Variants in KCNS3 observed in about 807,000 individuals in gnomAD.
KCNS3 encodes delayed-rectifier potassium channel regulatory subunit KCNS3.
In KCNS3, 13 loss-of-function variants were observed where a neutral mutation model predicts 31.0. The observed-to-expected ratio is 0.42, with a 90% CI of 0.27 to 0.67. KCNS3 has a LOEUF of 0.67. Ranked by LOEUF, KCNS3 falls within the 30% of genes least tolerant of loss-of-function variation. KCNS3 has a pLI of 0.25. For synonymous variants in KCNS3, 238 were observed against 241.5 expected (o/e 0.99, Z 0.13); for missense variants, 545 against 622.4 (o/e 0.88, Z 1.32).
intron 2 of KCNS3, among the ~76,000 whole-genome samples, chr2:17,928,161 A>T (rs1029035672): frequency 1.3e-5 from 2 of 152,242 alleles, no homozygotes; most frequent in Non-Finnish European, 2.9e-5. Context: ...ATGATTGATC[A>T]TAGTATTCCT....
At chr2:17,896,548 TG>T (rs1453791513) in intron 1 of KCNS3, among the ~76,000 whole-genome samples, 1 of 151,808 alleles carries the variant, frequency 6.6e-6, no homozygotes, top group African/African-American at 2.4e-5. Context: ...TTTTTTTTTT[TG>T]GAATTGAGAA....
At chr2:17,886,742 G>GTCCA (rs35391429) in intron 1 of KCNS3, among the ~76,000 whole-genome samples, 50,178 of 146,724 alleles carry the variant, frequency 0.34, 8,798 homozygotes, top group African/African-American at 0.38. Flanking sequence ...CCATTTAAAT[G>GTCCA]TCCATCCATC....
At chr2:17,898,297 T>C (rs1321686161) in intron 1 of KCNS3, among the ~76,000 whole-genome samples, 1 of 151,766 alleles carries the variant, frequency 6.6e-6, no homozygotes, top group Non-Finnish European at 1.5e-5. Context: ...GCTCTTTTTT[T>C]GGTTCCATAT....
At chr2:17,884,268 AATAT>A (rs1227638443) in intron 1 of KCNS3, among the ~76,000 whole-genome samples, 3,004 of 46,380 alleles carry the variant, frequency 0.065, 58 homozygotes, top group Non-Finnish European at 0.087. Context: ...AAAAAAAAAA[AATAT>A]ATATATATAT....
chr2:17,889,732 A>G (rs1412611024), intron 1 of KCNS3, among the ~76,000 whole-genome samples: 1 of 152,142 alleles, frequency 6.6e-6, no homozygotes, highest in East Asian at 1.9e-4. Flanking sequence ...TATCTCATGT[A>G]TTGACTTGCA....
chr2:17,930,998 C>G lies in KCNS3; in HGVS notation c.-11C>G. On this transcript the variant is annotated 5_prime_UTR_variant, in exon 3 of 3. Coordinates refer to ENST00000304101, the MANE Select transcript of KCNS3 (RefSeq NM_002252.5). ...CCCTTGCCAGCCAGCACTCTGCCTT[C>G]TGTATCCACCATGGTGTTTGGTGAG... The G allele has an allele frequency of 6.2e-7, 1 of 1,609,248 alleles. No individual in the cohort carries two copies. Among genetic ancestry groups the G allele is most frequent in the Non-Finnish European group, 8.5e-7 (1 of 1,177,198 alleles).
At chr2:17,907,867 A>G (rs1226933985) in intron 1 of KCNS3, among the ~76,000 whole-genome samples, 2 of 152,144 alleles carry the variant, frequency 1.3e-5, no homozygotes, top group Non-Finnish European at 2.9e-5. Flanking sequence ...GGGCAACCCG[A>G]CCTTTCTCTC....
intron 1 of KCNS3, among the ~76,000 whole-genome samples, chr2:17,893,019 G>A (rs1016367664): frequency 6.6e-6 from 1 of 152,182 alleles, no homozygotes; most frequent in Admixed American, 6.5e-5. Flanking sequence ...CCATTACCAA[G>A]GTGGATAGGA....
chr2:17,884,269 ATAT>A (rs1429714352), intron 1 of KCNS3, among the ~76,000 whole-genome samples: 171 of 35,550 alleles, frequency 4.8e-3, no homozygotes, highest in East Asian at 8.6e-3. Flanking sequence ...AAAAAAAAAA[ATAT>A]ATATATATAT....
chr2:17,883,213 G>A (rs943916386), intron 1 of KCNS3, among the ~76,000 whole-genome samples: 1 of 152,176 alleles, frequency 6.6e-6, no homozygotes, highest in Non-Finnish European at 1.5e-5. Context: ...TCAGCCATCC[G>A]AGGACTTACC....
chr2:17,884,706 G>T (rs181117822), intron 1 of KCNS3, among the ~76,000 whole-genome samples: 1 of 152,160 alleles, frequency 6.6e-6, no homozygotes, highest in Non-Finnish European at 1.5e-5. Flanking sequence ...GGTTAGGGAT[G>T]TGAGTCCAGC....
intron 1 of KCNS3, among the ~76,000 whole-genome samples, chr2:17,916,914 A>G (rs1401564577): frequency 6.6e-6 from 1 of 151,594 alleles, no homozygotes; most frequent in Non-Finnish European, 1.5e-5. Context: ...ATTGAAAAAC[A>G]TGAAAATCAA....
Position 17,884,267 on chromosome 2 carries a change from AAATATATATATAT to A in KCNS3, c.-252+5463_-252+5475del, listed in dbSNP as rs1456262042. Among the ~76,000 whole-genome samples, 21 of 38,704 alleles carry A rather than the reference AAATATATATATAT, an allele frequency of 5.4e-4. No individual in the cohort carries two copies. The East Asian group carries it at 7.4e-3, about 14-fold the overall frequency. The allele number at this position is 38,704 out of a possible 152,430, so 25.4% of individuals were successfully genotyped here. A position where few individuals can be genotyped will look rare whatever the true frequency, so the allele number is the denominator to read the frequency against. On this transcript the variant is annotated intron_variant, in intron 1 of 2. Transcript: ENST00000304101. ...ACTTAAAGTATAATTAAAAAAAAAA[AAATATATATATAT>A]ATATATATATATATATATATATATT...
At chr2:17,918,716 G>A (rs922304897) in intron 2 of KCNS3, among the ~76,000 whole-genome samples, 4 of 152,362 alleles carry the variant, frequency 2.6e-5, no homozygotes, top group East Asian at 3.9e-4. Context: ...CTTCCACAGC[G>A]AAGCTTGGAG....
Position 17,931,239 on chromosome 2 carries a change from A to T in KCNS3, c.231A>T (p.Arg77Ser). ...YYFDRNPSLFRYVLNFYYTGK... is the reference protein window; with the variant it reads ...YYFDRNPSLFSYVLNFYYTGK... Reference sequence around the variant, plus strand: ...TTGATCGGAATCCCTCCTTGTTCAGATATGTTTTGAATTTTTATTACACGG... The same window carrying T: ...TTGATCGGAATCCCTCCTTGTTCAGTTATGTTTTGAATTTTTATTACACGG... Residue 77 changes from arginine to serine, a missense_variant, in exon 3 of 3, where the codon AGA (arginine) becomes AGT (serine). Coordinates refer to ENST00000304101, the MANE Select transcript of KCNS3 (RefSeq NM_002252.5). The surrounding 1 kb of genome is among the most constrained non-coding windows in gnomAD (Gnocchi z 5.4). 1 of 1,613,996 alleles carries T rather than the reference A, an allele frequency of 6.2e-7. No homozygotes were observed. The highest frequency in any genetic ancestry group is 1.1e-5 in the South Asian group (1 of 91,070).
intron 1 of KCNS3, among the ~76,000 whole-genome samples, chr2:17,885,577 A>G (rs1186046082): frequency 6.6e-6 from 1 of 152,242 alleles, no homozygotes; most frequent in Non-Finnish European, 1.5e-5. Context: ...GGCAGTTGCT[A>G]TACAGCCTGG....
intron 1 of KCNS3, among the ~76,000 whole-genome samples, chr2:17,892,676 G>A (rs1661887809): frequency 6.6e-6 from 1 of 152,122 alleles, no homozygotes; most frequent in South Asian, 2.1e-4. Context: ...GGCTTCCTGT[G>A]AGCTGAACTG....
At chr2:17,919,927 A>G (rs894383525) in intron 2 of KCNS3, among the ~76,000 whole-genome samples, 6 of 152,158 alleles carry the variant, frequency 3.9e-5, no homozygotes, top group African/African-American at 1.2e-4. Context: ...AGGAGGAGAC[A>G]TGGGTATGGA....
chr2:17,919,015 A>G (rs1337418585), intron 2 of KCNS3, among the ~76,000 whole-genome samples: 1 of 152,214 alleles, frequency 6.6e-6, no homozygotes, highest in Admixed American at 6.5e-5. Context: ...CTCTTGTGGT[A>G]AAGTCCAGGT....
Sources: allele counts gnomAD v4.1 joint callset (sites outside exome capture counted in the v4.1 genomes callset), GRCh38; gene constraint gnomAD v4.1.1; non-coding constraint Gnocchi (gnomAD v3.1); transcripts MANE v1.5; gene names NCBI Gene and HGNC (gene_info 2026-07-23, HGNC 2026-07-21).